Variants in MUC7 observed in about 807,000 individuals in gnomAD.
MUC7 encodes the protein mucin 7, secreted.
A neutral mutation model predicts 2.5 loss-of-function variants in MUC7; 2 were observed. The ratio of observed to expected loss-of-function variants is 0.81; its 90% CI spans 0.33 to 2.55. The LOEUF (loss-of-function observed/expected upper bound fraction) is 2.55. Ranked by LOEUF, MUC7 falls within the 30% of genes most tolerant of loss-of-function variation. The probability of loss-of-function intolerance (pLI) is 0.11; values close to 1 mark genes in which losing one functional copy is unlikely to be tolerated. For missense variants in MUC7, 408 were observed against 455.6 expected (o/e 0.90, Z 0.95); for synonymous variants, 133 against 173.4 (o/e 0.77, Z 1.83).
chr4:70,473,949 C>A (rs963050098), intron 1 of MUC7, 58 bp from the exon 2 acceptor site: 2 of 1,218,466 alleles, frequency 1.6e-6, no homozygotes, highest in African/African-American at 3.0e-5. Flanking sequence ...TTTACCAAAA[C>A]GCATTCCTCT....
chr4:70,440,440 G>T (rs1004840459), intron 1 of MUC7, among the ~76,000 whole-genome samples: 1 of 151,862 alleles, frequency 6.6e-6, no homozygotes, highest in African/African-American at 2.4e-5. Flanking sequence ...GAATTCCCCC[G>T]CATCTAACAC....
chr4:70,453,052 C>T (rs1466068441), intron 1 of MUC7, among the ~76,000 whole-genome samples: 1 of 152,228 alleles, frequency 6.6e-6, no homozygotes, highest in East Asian at 1.9e-4. Flanking sequence ...GAAAATTCTT[C>T]TGCCATATGT....
chr4:70,477,484 C>A (rs1735037449), intron 2 of MUC7, among the ~76,000 whole-genome samples: 1 of 152,152 alleles, frequency 6.6e-6, no homozygotes, highest in Non-Finnish European at 1.5e-5. Context: ...ATTTTCTCCT[C>A]CTCTTCCTTC....
In MUC7 at chr4:70,482,639, A is replaced by G. The variant is rs1040693808; in HGVS notation, c.*761A>G. 1 of 152,250 alleles carries G rather than the reference A, an allele frequency of 6.6e-6. No individual in the cohort carries two copies. The highest frequency in any genetic ancestry group is 2.4e-5 in the African/African-American group (1 of 41,464). 9.4% of individuals were successfully genotyped at this position (152,250 alleles called of 1,614,324 possible). On this transcript the variant is annotated 3_prime_UTR_variant, in exon 3 of 3. Coordinates refer to ENST00000304887, the MANE Select transcript of MUC7 (RefSeq NM_152291.3). The stretch of plus-strand genomic sequence containing the variant: ...CCTGATTCTAGCCTCTGTGAACAAC[A>G]AGAATATGTTTGTGTATGTTCACAT...
intron 1 of MUC7, among the ~76,000 whole-genome samples, chr4:70,458,558 C>T (rs976213722): frequency 6.6e-6 from 1 of 150,920 alleles, no homozygotes; most frequent in South Asian, 2.1e-4. Context: ...CAAAATAATA[C>T]CAATAAGTTA....
intron 1 of MUC7, among the ~76,000 whole-genome samples, chr4:70,442,175 T>G (rs80298074): frequency 0.058 from 8,860 of 152,262 alleles, 846 homozygotes; most frequent in African/African-American, 0.2. Context: ...ACAACAAAAA[T>G]GCTATCATAC....
intron 1 of MUC7, among the ~76,000 whole-genome samples, chr4:70,458,724 C>A (rs1734470695): frequency 6.6e-6 from 1 of 151,842 alleles, no homozygotes; most frequent in African/African-American, 2.4e-5. Context: ...ACAGAAAATG[C>A]AAATAGATTG....
intron 1 of MUC7, among the ~76,000 whole-genome samples, chr4:70,441,610 T>C (rs1267702243): frequency 1.3e-5 from 2 of 152,066 alleles, no homozygotes; most frequent in Non-Finnish European, 2.9e-5. Context: ...TGCAAAGAAG[T>C]GTGAAATATA....
intron 1 of MUC7, among the ~76,000 whole-genome samples, chr4:70,437,089 T>C (rs4694314): frequency 0.67 from 101,194 of 151,856 alleles, 33,993 homozygotes; most frequent in Admixed American, 0.77. Flanking sequence ...CCCAGAAGGG[T>C]ACCCACCTGT....
chr4:70,459,396 C>T (rs1416109311), intron 1 of MUC7, among the ~76,000 whole-genome samples: 2 of 152,044 alleles, frequency 1.3e-5, no homozygotes, highest in African/African-American at 4.8e-5. Flanking sequence ...CACATGGACA[C>T]AGGAAGGGGA....
chr4:70,458,079 T>C lies in MUC7; in HGVS notation c.-92-14136T>C, dbSNP rs151003234. 4.1e-4 allele frequency among the ~76,000 whole-genome samples: 63 copies of C among 152,174 alleles called. 1 individual carries two copies. The East Asian group carries it at 0.012, about 28-fold the overall frequency. Reference sequence around the variant, plus strand: ...TCTCCGATGAATATAGATGAAACAATTCTAAGCTAAATATTTATAAAACAA... The same window carrying C: ...TCTCCGATGAATATAGATGAAACAACTCTAAGCTAAATATTTATAAAACAA... On this transcript the variant is annotated intron_variant, in intron 1 of 3. Transcript: ENST00000413702.
intron 1 of MUC7, among the ~76,000 whole-genome samples, chr4:70,467,127 A>C (rs927771128): frequency 3.9e-5 from 6 of 152,218 alleles, no homozygotes; most frequent in African/African-American, 1.2e-4. Flanking sequence ...GCACAACTAC[A>C]TGGAAACTGA....
chr4:70,457,863 G>A (rs1310861891), intron 1 of MUC7, among the ~76,000 whole-genome samples: 2 of 151,782 alleles, frequency 1.3e-5, no homozygotes, highest in Non-Finnish European at 2.9e-5. Context: ...CTCTCACAAA[G>A]GAAAAATCTT....
At chr4:70,438,441 T>TTTTC (rs1431206452) in intron 1 of MUC7, among the ~76,000 whole-genome samples, 1 of 151,688 alleles carries the variant, frequency 6.6e-6, no homozygotes, top group Non-Finnish European at 1.5e-5. Context: ...TTTTGTTTTG[T>TTTTC]TTTGTTTTGT....
At chr4:70,460,168 T>C (rs1289229999) in intron 1 of MUC7, among the ~76,000 whole-genome samples, 2 of 151,706 alleles carry the variant, frequency 1.3e-5, no homozygotes, top group East Asian at 3.9e-4. Context: ...TAGATTACAC[T>C]ATAGACGGCT....
At chr4:70,435,751 T>C (rs764068201) in intron 1 of MUC7, among the ~76,000 whole-genome samples, 42 of 152,250 alleles carry the variant, frequency 2.8e-4, no homozygotes, top group Non-Finnish European at 5.7e-4. Flanking sequence ...GTTATGATGC[T>C]AGCTGGTTAT....
chr4:70,482,045 A>G lies in MUC7; in HGVS notation c.*167A>G, dbSNP rs1735215626. ...TTATTCACCACCACAAGACCTATTA[A>G]CAAGACAAAATGCCTCTATCCCACA... On this transcript the variant is annotated 3_prime_UTR_variant, in exon 3 of 3. Coordinates refer to ENST00000304887, the MANE Select transcript of MUC7 (RefSeq NM_152291.3). 4 of 876,232 alleles carry G rather than the reference A, an allele frequency of 4.6e-6. No individual in the cohort carries two copies. The African/African-American group carries it at 5.1e-5, about 11-fold the overall frequency. The allele number at this position is 876,232 out of a possible 1,614,324, so 54.3% of individuals were successfully genotyped here.
intron 1 of MUC7, among the ~76,000 whole-genome samples, chr4:70,435,695 A>T (rs942266674): frequency 2.0e-5 from 3 of 152,158 alleles, no homozygotes; most frequent in African/African-American, 7.2e-5. Flanking sequence ...CATTTAGCCC[A>T]TTTACATTTA....
chr4:70,446,994 T>G (rs1326638254), intron 1 of MUC7, among the ~76,000 whole-genome samples: 2 of 143,874 alleles, frequency 1.4e-5, no homozygotes, highest in Non-Finnish European at 3.0e-5. Context: ...TTACAAGAAA[T>G]GCAGACAAGT....
Sources: allele counts gnomAD v4.1 joint callset (sites outside exome capture counted in the v4.1 genomes callset), GRCh38; gene constraint gnomAD v4.1.1; transcripts MANE v1.5; gene names NCBI Gene and HGNC (gene_info 2026-07-23, HGNC 2026-07-21).